MYO1E: variants seen among roughly 807,000 people sequenced by gnomAD.
The protein encoded by MYO1E is unconventional myosin-Ie.
Under a neutral mutation model 151.1 loss-of-function variants are expected in MYO1E, and 68 were observed. The observed-to-expected ratio is 0.45, with a 90% CI of 0.37 to 0.55. The LOEUF is 0.55. Among genes scored for constraint, MYO1E ranks in the 20% least tolerant of loss-of-function variants. The pLI is 0.00. For synonymous variants in MYO1E, 601 were observed against 501.7 expected (o/e 1.20, Z -2.64); for missense variants, 1,363 against 1,389.3 (o/e 0.98, Z 0.30).
At chr15:59,247,546 T>C (rs1263244849) in intron 4 of MYO1E, among the ~76,000 whole-genome samples, 1 of 152,164 alleles carries the variant, frequency 6.6e-6, no homozygotes, top group Admixed American at 6.5e-5. Context: ...AGAGACAACC[T>C]ATACGAAAGC....
intron 1 of MYO1E, among the ~76,000 whole-genome samples, chr15:59,294,954 T>C (rs996618957): frequency 6.6e-6 from 1 of 152,158 alleles, no homozygotes. Flanking sequence ...CTTTAAAGCC[T>C]GCAAGTTCCC....
chr15:59,140,172 C>T (rs2079401114), intron 26 of MYO1E, among the ~76,000 whole-genome samples: 1 of 151,992 alleles, frequency 6.6e-6, no homozygotes, highest in Admixed American at 6.6e-5. Flanking sequence ...TCCCTTCACC[C>T]CACTGTCATA....
At chr15:59,262,627 G>C (rs1226419253) in intron 2 of MYO1E, among the ~76,000 whole-genome samples, 1 of 152,036 alleles carries the variant, frequency 6.6e-6, no homozygotes, top group African/African-American at 2.4e-5. Context: ...TTCCAGCCTG[G>C]GTGACAGAAA....
chr15:59,254,326 T>C lies in MYO1E; in HGVS notation c.332+1958A>G, dbSNP rs538833684. Reference sequence around the variant, plus strand: ...CCTCAGCCTCCCTAGTAGCTAGGGCTACAGGTGTGCACCACCACACCCAGC... The same window carrying C: ...CCTCAGCCTCCCTAGTAGCTAGGGCCACAGGTGTGCACCACCACACCCAGC... On this transcript the variant is annotated intron_variant, in intron 4 of 27. Transcript: ENST00000288235. 3.8e-3 allele frequency among the ~76,000 whole-genome samples: 575 copies of C among 152,298 alleles called. 2 individuals carry two copies. Among genetic ancestry groups the C allele is most frequent in the Non-Finnish European group, 7.1e-3 (485 of 68,016 alleles).
At chr15:59,277,553 A>ACAACAACAACAAC (rs879924963) in intron 1 of MYO1E, among the ~76,000 whole-genome samples, 4 of 80,386 alleles carry the variant, frequency 5.0e-5, no homozygotes, top group Admixed American at 2.9e-4. Flanking sequence ...CCCCACAAAA[A>ACAACAACAACAAC]AAAAAAAAAA....
At chr15:59,189,365 T>C (rs2079718968) in intron 17 of MYO1E, among the ~76,000 whole-genome samples, 1 of 152,276 alleles carries the variant, frequency 6.6e-6, no homozygotes, top group East Asian at 1.9e-4. Flanking sequence ...GGCGTGTTTC[T>C]TCCTTTCCTT....
rs553234563 is a variant in MYO1E at position 59,313,518 on chromosome 15, C to G, written c.4-41069G>C. Among the ~76,000 whole-genome samples the G allele has an allele frequency of 1.7e-4, 25 of 149,160 alleles. No homozygotes were observed. In the South Asian group the frequency reaches 5.4e-3, roughly 32 times the overall value. Reference sequence around the variant, plus strand: ...CCCCACCCCCGCCCCACCTCCAACACTCCATCATCTTTCAGTGATCATTCT... The same window carrying G: ...CCCCACCCCCGCCCCACCTCCAACAGTCCATCATCTTTCAGTGATCATTCT... On this transcript the variant is annotated intron_variant, in intron 1 of 27. Coordinates refer to ENST00000288235, the MANE Select transcript of MYO1E (RefSeq NM_004998.4).
At chr15:59,183,053 C>T (rs762393316) in intron 18 of MYO1E, among the ~76,000 whole-genome samples, 4 of 152,182 alleles carry the variant, frequency 2.6e-5, no homozygotes, top group African/African-American at 7.2e-5. Flanking sequence ...GGGGCTCAGG[C>T]GGTAATGCTC....
intron 12 of MYO1E, among the ~76,000 whole-genome samples, chr15:59,213,731 G>C (rs1255945127): frequency 6.6e-6 from 1 of 152,148 alleles, no homozygotes; most frequent in African/African-American, 2.4e-5. Context: ...AAAGTGCTAG[G>C]ATTACAGGCA....
chr15:59,260,509 T>C (rs1286895987), intron 3 of MYO1E, among the ~76,000 whole-genome samples: 1 of 152,068 alleles, frequency 6.6e-6, no homozygotes, highest in Non-Finnish European at 1.5e-5. Context: ...GTGCTTCTGC[T>C]GCAGTGGGAA....
chr15:59,227,711 C>T (rs1402532583), intron 6 of MYO1E, 121 bp from the exon 7 acceptor site: 1 of 1,347,572 alleles, frequency 7.4e-7, no homozygotes, highest in Non-Finnish European at 1.1e-6. Context: ...TTCTGAATTA[C>T]TCCTAATTTG....
chr15:59,250,504 G>T (rs905644090), intron 4 of MYO1E, among the ~76,000 whole-genome samples: 3 of 152,076 alleles, frequency 2.0e-5, no homozygotes, highest in Admixed American at 6.5e-5. Context: ...CCCAGACCTC[G>T]CCCTCAACCT....
intron 1 of MYO1E, among the ~76,000 whole-genome samples, chr15:59,315,550 A>T (rs1038628658): frequency 3.3e-4 from 37 of 112,388 alleles, no homozygotes; most frequent in Admixed American, 1.2e-3. Context: ...ACTAAAAATT[A>T]AAAAAAAAAA....
chr15:59,215,743 T>A (rs964986396), intron 10 of MYO1E, among the ~76,000 whole-genome samples: 3 of 152,180 alleles, frequency 2.0e-5, no homozygotes, highest in Non-Finnish European at 4.4e-5. Context: ...GGATCACTTA[T>A]ATGAGTATTC....
chr15:59,243,945 A>G (rs1324906507), intron 4 of MYO1E, among the ~76,000 whole-genome samples: 2 of 151,984 alleles, frequency 1.3e-5, no homozygotes, highest in African/African-American at 4.8e-5. Context: ...TCGGAGGTGA[A>G]GCACATCTGG....
Position 59,350,124 on chromosome 15 carries a change from G to A in MYO1E, c.3+22374C>T, listed in dbSNP as rs1232876516. ...TCACCACTTGAATGAAAAGAGAATG[G>A]AAGCTATTCTTACTTCATTTTTTAA... On this transcript the variant is annotated intron_variant, in intron 1 of 27. Transcript: ENST00000288235. This position sits in a 1 kb window ranked among gnomAD's most constrained non-coding sequence, Gnocchi z 5.0. Among the ~76,000 whole-genome samples, 2 of 152,180 alleles carry A rather than the reference G, an allele frequency of 1.3e-5. No individual in the cohort carries two copies. The highest frequency in any genetic ancestry group is 2.9e-5 in the Non-Finnish European group (2 of 68,028).
chr15:59,153,736 A>C lies in MYO1E; in HGVS notation c.2934T>G (p.Pro978=), dbSNP rs1298515237. The change falls in exon 26 of 28, where the codon CCT becomes CCG. Residue 978 remains proline (P), a synonymous_variant. Coordinates refer to ENST00000288235, the MANE Select transcript of MYO1E (RefSeq NM_004998.4). ...RNQYVPYPHA[P]GSQRSNQKSL... is the part of the protein sequence containing the mutation. ...TTTTCTGATTGGACCTCTGGCTTCC[A>C]GGAGCATGGGGATATGGCACATACT... The C allele has an allele frequency of 2.0e-5, 33 of 1,614,060 alleles. No homozygotes were observed. The highest frequency in any genetic ancestry group is 2.8e-5 in the Non-Finnish European group (33 of 1,179,998).
rs114241063 is a variant in MYO1E at position 59,241,295 on chromosome 15, G to T, written c.333-4623C>A. ...AATGTGGGAGGCCACGGGAGTTGGA[G>T]AACCAGCCTTAGCAAACAGCAAGAT... is the stretch of plus-strand genomic sequence containing the variant. On this transcript the variant is annotated intron_variant, in intron 4 of 27. Coordinates refer to ENST00000288235, the MANE Select transcript of MYO1E (RefSeq NM_004998.4). Among the ~76,000 whole-genome samples, 285 of 152,250 alleles carry T rather than the reference G, an allele frequency of 1.9e-3. 2 individuals are homozygous for T. Among genetic ancestry groups the T allele is most frequent in the African/African-American group, 6.5e-3 (269 of 41,548 alleles).
intron 1 of MYO1E, among the ~76,000 whole-genome samples, chr15:59,279,456 C>T (rs1355505254): frequency 3.3e-5 from 5 of 152,110 alleles, no homozygotes; most frequent in African/African-American, 1.2e-4. Context: ...CATCTGTGAC[C>T]AACTTGATCT....
Sources: allele counts gnomAD v4.1 joint callset (sites outside exome capture counted in the v4.1 genomes callset), GRCh38; gene constraint gnomAD v4.1.1; non-coding constraint Gnocchi (gnomAD v3.1); transcripts MANE v1.5; gene names NCBI Gene and HGNC (gene_info 2026-07-23, HGNC 2026-07-21).